UBE2H: variants seen among roughly 807,000 people sequenced by gnomAD.
The protein encoded by UBE2H is ubiquitin conjugating enzyme E2 H, also known as ubiquitin-conjugating enzyme E2 H.
Under a neutral mutation model 29.0 loss-of-function variants are expected in UBE2H, and 3 were observed. The ratio of observed to expected loss-of-function variants is 0.10; its 90% CI spans 0.05 to 0.27. The LOEUF (loss-of-function observed/expected upper bound fraction) is 0.27. Among genes scored for constraint, UBE2H ranks in the 10% least tolerant of loss-of-function variants. The pLI, the probability that UBE2H is intolerant of heterozygous loss-of-function variation, is 1.00. For synonymous variants in UBE2H, 69 were observed against 82.9 expected, an observed-to-expected ratio of 0.83 and a Z score of 0.91; for missense variants, 68 against 228.2, an observed-to-expected ratio of 0.30 and a Z score of 4.52.
intron 1 of UBE2H, among the ~76,000 whole-genome samples, chr7:129,925,165 T>G (rs1002221983): frequency 2.0e-5 from 3 of 151,982 alleles, no homozygotes; most frequent in Non-Finnish European, 2.9e-5. Flanking sequence ...CTGGCCAAGA[T>G]GGAGAAACCC....
chr7:129,846,287 G>A (rs935565746), intron 5 of UBE2H, among the ~76,000 whole-genome samples: 6 of 151,958 alleles, frequency 3.9e-5, no homozygotes, highest in South Asian at 4.1e-4. Context: ...GCAGGAAGAC[G>A]GCCTGAGCCC....
At chr7:129,883,864 G>T (rs921928790) in intron 1 of UBE2H, among the ~76,000 whole-genome samples, 4 of 151,902 alleles carry the variant, frequency 2.6e-5, no homozygotes, top group African/African-American at 9.7e-5. Flanking sequence ...CTTAAAAAAA[G>T]AAAAAAGAAT....
intron 3 of UBE2H, among the ~76,000 whole-genome samples, chr7:129,863,570 G>C (rs952335730): frequency 2.0e-5 from 3 of 152,112 alleles, no homozygotes; most frequent in Non-Finnish European, 4.4e-5. Context: ...CAAGAGTTAA[G>C]TCCTTAAAGG....
chr7:129,849,768 T>G (rs1805576007), intron 5 of UBE2H, among the ~76,000 whole-genome samples: 1 of 152,112 alleles, frequency 6.6e-6, no homozygotes, highest in Non-Finnish European at 1.5e-5. Flanking sequence ...TACTGAAGGC[T>G]AACTAGCTGC....
At chr7:129,952,390 T>G in intron 1 of UBE2H, 113 bp downstream of exon 1, 13 of 1,332,110 alleles carry the variant, frequency 9.8e-6, no homozygotes, top group Admixed American at 4.1e-5. Flanking sequence ...AGGAGGGGAG[T>G]CTCGGACAGT....
chr7:129,927,577 T>C (rs1807296788), intron 1 of UBE2H, among the ~76,000 whole-genome samples: 1 of 152,096 alleles, frequency 6.6e-6, no homozygotes, highest in African/African-American at 2.4e-5. Context: ...GGGCAACAAA[T>C]AAATGGATAA....
chr7:129,867,380 T>C (rs1245331628), intron 3 of UBE2H, among the ~76,000 whole-genome samples: 1 of 143,678 alleles, frequency 7.0e-6, no homozygotes, highest in Admixed American at 7.1e-5. Flanking sequence ...TAAAAAATGA[T>C]GAGTTCATAT....
chr7:129,927,311 G>T (rs547352899), intron 1 of UBE2H, among the ~76,000 whole-genome samples: 1 of 152,144 alleles, frequency 6.6e-6, no homozygotes, highest in African/African-American at 2.4e-5. Context: ...AGAGGCAGAG[G>T]GGGGTGGATC....
At chr7:129,881,659 A>T (rs183142234) in intron 1 of UBE2H, among the ~76,000 whole-genome samples, 28 of 152,138 alleles carry the variant, frequency 1.8e-4, no homozygotes, top group Admixed American at 7.9e-4. Flanking sequence ...AAAATAAAAT[A>T]AAAAATATAC....
At chr7:129,940,977 C>T (rs1052130602) in intron 1 of UBE2H, among the ~76,000 whole-genome samples, 17 of 152,058 alleles carry the variant, frequency 1.1e-4, no homozygotes, top group Admixed American at 4.6e-4. Context: ...TTTTTGGAGA[C>T]GGAGTCACAG....
intron 1 of UBE2H, among the ~76,000 whole-genome samples, chr7:129,886,531 ACT>A (rs1806362426): frequency 6.6e-6 from 1 of 152,290 alleles, no homozygotes; most frequent in East Asian, 1.9e-4. Context: ...TTCAGGGACC[ACT>A]GAGTCCTAAA....
At chr7:129,886,782 A>ATTTTTTTGGT (rs1314475962) in intron 1 of UBE2H, among the ~76,000 whole-genome samples, 1 of 150,506 alleles carries the variant, frequency 6.6e-6, no homozygotes, top group East Asian at 1.9e-4. Flanking sequence ...AAAAAAAAAA[A>ATTTTTTTGGT]AAAAAAAAAA....
rs1805208109 is a variant in UBE2H at position 129,830,823 on chromosome 7, C to T, written c.*4114G>A. The T allele has an allele frequency of 6.9e-6, 1 of 145,564 alleles. No individual in the cohort carries two copies. The highest frequency in any genetic ancestry group is 2.6e-5 in the African/African-American group (1 of 38,836). The allele number at this position is 145,564 out of a possible 1,614,324, so 9.0% of individuals were successfully genotyped here. ...GGTTATAGTCAGAGGAGGCATGTGT[C>T]CTGTTGACAGACGTGCCTACTAGAT... is the stretch of plus-strand genomic sequence containing the variant. On this transcript the variant is annotated 3_prime_UTR_variant, in exon 7 of 7. Coordinates refer to ENST00000355621, the MANE Select transcript of UBE2H (RefSeq NM_003344.4).
At chr7:129,888,598 C>A (rs1412563329) in intron 1 of UBE2H, among the ~76,000 whole-genome samples, 1 of 152,172 alleles carries the variant, frequency 6.6e-6, no homozygotes, top group African/African-American at 2.4e-5. Context: ...CCTCGGCCTC[C>A]CGAGTAGCTG....
intron 1 of UBE2H, among the ~76,000 whole-genome samples, chr7:129,950,030 C>T (rs1312472847): frequency 6.6e-6 from 1 of 152,122 alleles, no homozygotes; most frequent in Non-Finnish European, 1.5e-5. Flanking sequence ...GGGAATTTTT[C>T]CTTAAATTTT....
chr7:129,882,069 G>A (rs923594061), intron 1 of UBE2H, among the ~76,000 whole-genome samples: 10 of 152,168 alleles, frequency 6.6e-5, no homozygotes, highest in Non-Finnish European at 1.3e-4. Context: ...ATCACAGAGG[G>A]GTAACATGGC....
At chr7:129,932,332 C>G (rs1284255164) in intron 1 of UBE2H, among the ~76,000 whole-genome samples, 1 of 150,672 alleles carries the variant, frequency 6.6e-6, no homozygotes, top group African/African-American at 2.4e-5. Flanking sequence ...ACTGTGTTAG[C>G]CAGGATGGTC....
At chr7:129,912,110 C>T (rs545127759) in intron 1 of UBE2H, among the ~76,000 whole-genome samples, 1 of 152,280 alleles carries the variant, frequency 6.6e-6, no homozygotes, top group East Asian at 1.9e-4. Flanking sequence ...GGTCCACGAA[C>T]TAGGGCCCAC....
At chr7:129,866,225 A>C (rs1197984539) in intron 3 of UBE2H, among the ~76,000 whole-genome samples, 1 of 152,216 alleles carries the variant, frequency 6.6e-6, no homozygotes, top group African/African-American at 2.4e-5. Flanking sequence ...CAGGAGATCT[A>C]AACTCAACAA....
Sources: gnomAD v4.1 joint callset for allele counts (sites outside exome capture counted in the v4.1 genomes callset) on GRCh38, gnomAD v4.1.1 for gene constraint, MANE v1.5 for transcripts, NCBI Gene and HGNC (gene_info 2026-07-23, HGNC 2026-07-21) for gene names.